TRPM6: variants seen among roughly 807,000 people sequenced by gnomAD.
TRPM6 encodes the protein transient receptor potential cation channel subfamily M member 6, also known as channel kinase 2.
A neutral mutation model predicts 247.6 loss-of-function variants in TRPM6; 111 were observed. The observed-to-expected ratio is 0.45, with a 90% CI of 0.38 to 0.52. The LOEUF is 0.52. Among genes scored for constraint, TRPM6 ranks in the 20% least tolerant of loss-of-function variants. The pLI is 0.00. For synonymous variants in TRPM6, 892 were observed against 853.8 expected, an observed-to-expected ratio of 1.04 and a Z score of -0.78; for missense variants, 2,126 against 2,421.5, an observed-to-expected ratio of 0.88 and a Z score of 2.56.
In TRPM6 at chr9:74,830,841, C is replaced by T. The variant is rs181091729; in HGVS notation, c.670-2892G>A. Among the ~76,000 whole-genome samples the T allele has an allele frequency of 3.2e-3, 473 of 147,268 alleles. 1 individual carries two copies. Among genetic ancestry groups the T allele is most frequent in the Non-Finnish European group, 5.7e-3 (384 of 67,182 alleles). On this transcript the variant is annotated intron_variant, in intron 6 of 38. Coordinates refer to ENST00000360774, the MANE Select transcript of TRPM6 (RefSeq NM_017662.5). Reference sequence around the variant, plus strand: ...CAAACTCGTGAGCTCAAGCAATCCGCCGGCCTCGGCCTCGGCCTCCCAAAG... The same window carrying T: ...CAAACTCGTGAGCTCAAGCAATCCGTCGGCCTCGGCCTCGGCCTCCCAAAG...
chr9:74,732,866 T>C, intron 36 of TRPM6, 130 bp from the exon 37 acceptor site: 1 of 772,798 alleles, frequency 1.3e-6, no homozygotes, highest in Non-Finnish European at 2.2e-6. Flanking sequence ...TTAAACATCA[T>C]GAGCCCATAC....
intron 28 of TRPM6, among the ~76,000 whole-genome samples, chr9:74,754,193 G>A (rs1826362159): frequency 2.0e-5 from 3 of 151,930 alleles, no homozygotes; most frequent in African/African-American, 7.3e-5. Context: ...TCTAGTAAAT[G>A]GTATGATTAA....
At chr9:74,864,801 A>C (rs1350700901) in intron 1 of TRPM6, among the ~76,000 whole-genome samples, 1 of 152,154 alleles carries the variant, frequency 6.6e-6, no homozygotes, top group Non-Finnish European at 1.5e-5. Context: ...GGCCTGGTGC[A>C]GTGGCTCATG....
At chr9:74,749,317 CAAGT>C (rs1826160513) in intron 30 of TRPM6, among the ~76,000 whole-genome samples, 1 of 152,088 alleles carries the variant, frequency 6.6e-6, no homozygotes, top group South Asian at 2.1e-4. Flanking sequence ...TTCAGCGCTG[CAAGT>C]GTTTTTATAG....
chr9:74,798,429 G>A (rs925425882), intron 17 of TRPM6, among the ~76,000 whole-genome samples: 1 of 152,030 alleles, frequency 6.6e-6, no homozygotes, highest in Non-Finnish European at 1.5e-5. Flanking sequence ...TCTAGGTCTG[G>A]AAAAATCGCA....
Position 74,786,134 on chromosome 9 carries a change from A to C in TRPM6, c.2668-9T>G, listed in dbSNP as rs1827655586. On this transcript the variant is annotated splice_polypyrimidine_tract_variant and intron_variant, in intron 20 of 38. Transcript: ENST00000360774. Reference sequence around the variant, plus strand: ...GGTTCTGAAATACAGATCTAAAAGAAGGAAGAAGGAAACTTTAAAAAGGAG... The same window carrying C: ...GGTTCTGAAATACAGATCTAAAAGACGGAAGAAGGAAACTTTAAAAAGGAG... 1 of 1,614,140 alleles carries C rather than the reference A, an allele frequency of 6.2e-7. No homozygotes were observed. The highest frequency in any genetic ancestry group is 8.5e-7 in the Non-Finnish European group (1 of 1,179,978).
chr9:74,842,412 C>G (rs1829974273), intron 3 of TRPM6, 69 bp from the exon 4 acceptor site: 1 of 1,515,464 alleles, frequency 6.6e-7, no homozygotes, highest in Non-Finnish European at 9.2e-7. Context: ...CTACCTTTTT[C>G]TAAAGTAATG....
Position 74,816,759 on chromosome 9 carries a change from T to A in TRPM6, c.1218A>T (p.Leu406Phe). 1.2e-6 allele frequency: 2 copies of A among 1,614,212 alleles called. No individual in the cohort carries two copies. Among genetic ancestry groups the A allele is most frequent in the Non-Finnish European group, 1.7e-6 (2 of 1,180,016 alleles). Residue 406 changes from leucine (L) to phenylalanine (F), a missense_variant, in exon 11 of 39, where the codon TTA becomes TTT. Leu to Phe is a conservative substitution (Grantham distance 22). This residue lies in a region of TRPM6 where 1,082 missense variants were observed against 1,307.9 expected (regional missense o/e 0.83). Coordinates refer to ENST00000360774, the MANE Select transcript of TRPM6 (RefSeq NM_017662.5). ...ILTALLKGTN[L>F]SASEQLNLAM... ...CCAGATTTAATTGCTCTGACGCTGA[T>A]AAATTTGTGCCTAGGGTAAAAGAAA...
intron 1 of TRPM6, among the ~76,000 whole-genome samples, chr9:74,868,221 G>A (rs1332895831): frequency 1.3e-5 from 2 of 151,244 alleles, no homozygotes; most frequent in Non-Finnish European, 2.9e-5. Context: ...CCCGCCGGGT[G>A]TGGTGGCTCA....
chr9:74,761,653 T>G (rs935781515), intron 27 of TRPM6, 43 bp downstream of exon 27: 1 of 1,261,514 alleles, frequency 7.9e-7, no homozygotes. Context: ...GGCCACTACC[T>G]TGACTGCTCA....
chr9:74,724,649 C>T lies in TRPM6; in HGVS notation c.6033G>A (p.Thr2011=), dbSNP rs139342869. The change falls in exon 39 of 39, where the codon ACG becomes ACA. Residue 2011 remains threonine, a synonymous_variant. Coordinates refer to ENST00000360774, the MANE Select transcript of TRPM6 (RefSeq NM_017662.5). The part of the protein sequence containing the change: ...ESAEEPPARE[T]GRNSPEDDMQ... ...TATCATCTTCTGGGGAATTTCTACC[C>T]GTCTCCCTTGCTGGAGGCTCCTCAG... 1,501 of 1,614,178 alleles carry T rather than the reference C, an allele frequency of 9.3e-4. 28 individuals are homozygous for T. In the South Asian group the frequency reaches 0.012, roughly 12 times the overall value.
At chr9:74,774,156 T>C (rs930942013) in intron 24 of TRPM6, among the ~76,000 whole-genome samples, 11 of 152,214 alleles carry the variant, frequency 7.2e-5, no homozygotes, top group Admixed American at 3.9e-4. Flanking sequence ...AATTCAACAA[T>C]GTTCCACAAA....
At chr9:74,788,128 T>A (rs1201722823) in intron 20 of TRPM6, among the ~76,000 whole-genome samples, 1 of 152,152 alleles carries the variant, frequency 6.6e-6, no homozygotes, top group Non-Finnish European at 1.5e-5. Context: ...ATTTTCAAAG[T>A]GTTTGGTAGG....
intron 6 of TRPM6, among the ~76,000 whole-genome samples, chr9:74,831,524 C>T (rs1369169479): frequency 6.6e-6 from 1 of 152,024 alleles, no homozygotes; most frequent in Non-Finnish European, 1.5e-5. Context: ...CTATGTCCCA[C>T]TAAAAGCAAA....
At chr9:74,729,114 C>A (rs1267694547) in intron 37 of TRPM6, among the ~76,000 whole-genome samples, 2 of 152,214 alleles carry the variant, frequency 1.3e-5, no homozygotes, top group Non-Finnish European at 2.9e-5. Flanking sequence ...TTTGACACTG[C>A]ACACCACAGA....
chr9:74,840,649 T>C (rs1015410442), intron 4 of TRPM6, among the ~76,000 whole-genome samples: 5 of 151,954 alleles, frequency 3.3e-5, no homozygotes, highest in African/African-American at 9.7e-5. Flanking sequence ...ACCCCATCTC[T>C]ACTAAAAATA....
chr9:74,781,536 C>CA (rs35938872), intron 23 of TRPM6, among the ~76,000 whole-genome samples: 29,415 of 93,294 alleles, frequency 0.32, 5,026 homozygotes, highest in Admixed American at 0.39. Flanking sequence ...GACTCTATCT[C>CA]AAAAAAAAAA....
chr9:74,737,316 T>C (rs1825726413), intron 36 of TRPM6: 1 of 1,247,444 alleles, frequency 8.0e-7, no homozygotes, highest in African/African-American at 1.5e-5. Context: ...TCCTTGAGCA[T>C]GTGACACAAG....
At chr9:74,826,042 G>A (rs1829318954) in intron 7 of TRPM6, among the ~76,000 whole-genome samples, 1 of 151,870 alleles carries the variant, frequency 6.6e-6, no homozygotes, top group Admixed American at 6.6e-5. Flanking sequence ...AATTCCCAGA[G>A]TCCCTCCCCT....
Sources: allele counts gnomAD v4.1 joint callset (sites outside exome capture counted in the v4.1 genomes callset), GRCh38; gene constraint gnomAD v4.1.1; regional missense constraint gnomAD v4.1.1; transcripts MANE v1.5; gene names NCBI Gene and HGNC (gene_info 2026-07-23, HGNC 2026-07-21).